Variants in PTH2R observed in about 807,000 individuals in gnomAD.
The protein encoded by PTH2R is parathyroid hormone 2 receptor, also known as PTH2 receptor.
PTH2R carries 59 observed loss-of-function variants against 60.3 expected under a neutral mutation model. That is an observed-to-expected ratio of 0.98 (90% confidence interval 0.79 to 1.22). PTH2R has a LOEUF of 1.22. PTH2R is among the 50% of genes most tolerant of loss of function. The pLI is 0.00. For missense variants in PTH2R, 749 were observed against 682.6 expected (o/e 1.10, Z -1.08); for synonymous variants, 256 against 243.8 (o/e 1.05, Z -0.47).
At chr2:208,426,149 G>T (rs1226285368) in intron 1 of PTH2R, among the ~76,000 whole-genome samples, 1 of 152,002 alleles carries the variant, frequency 6.6e-6, no homozygotes, top group Non-Finnish European at 1.5e-5. Context: ...CATTAAAATT[G>T]GTATCTATAT....
chr2:208,378,493 GC>G (rs1700853059), intron 1 of PTH2R, among the ~76,000 whole-genome samples: 1 of 152,066 alleles, frequency 6.6e-6, no homozygotes, highest in Admixed American at 6.5e-5. Context: ...TGAAATCTTA[GC>G]CCTCAGAGTG....
chr2:208,477,943 G>GTAC (rs1243907677), intron 9 of PTH2R, among the ~76,000 whole-genome samples: 13 of 32,696 alleles, frequency 4.0e-4, no homozygotes, highest in East Asian at 1.2e-3. Flanking sequence ...ACTACTACTA[G>GTAC]TAGTACTAGC....
intron 8 of PTH2R, 87 bp downstream of exon 8, chr2:208,450,896 C>A: frequency 7.0e-7 from 1 of 1,425,650 alleles, no homozygotes; most frequent in South Asian, 1.2e-5. Context: ...CGCTTCTGTT[C>A]TTGATGCCAT....
intron 1 of PTH2R, among the ~76,000 whole-genome samples, chr2:208,413,300 T>C (rs927961635): frequency 1.3e-5 from 2 of 152,206 alleles, no homozygotes; most frequent in African/African-American, 4.8e-5. Context: ...ATTATCATGG[T>C]ATGTGCTCCC....
rs1703460845 is a variant in PTH2R at position 208,493,551 on chromosome 2, A to T, written c.1545A>T (p.Glu515Asp). 2 of 1,613,734 alleles carry T rather than the reference A, an allele frequency of 1.2e-6. No homozygotes were observed. Among genetic ancestry groups the T allele is most frequent in the Non-Finnish European group, 1.7e-6 (2 of 1,179,826 alleles). The change falls in exon 13 of 13, where the codon GAA (glutamate) becomes GAT (aspartate). Residue 515 changes from glutamate to aspartate, a missense_variant. Glu to Asp is a conservative substitution (Grantham distance 45). Coordinates refer to ENST00000272847, the MANE Select transcript of PTH2R (RefSeq NM_005048.4). The stretch of plus-strand genomic sequence containing the variant: ...ACTCTTTCCACGAGGAGACCAAGGA[A>T]GATAGTGGGAGGCAGGGAGATGATA... ...LPHSFHEETKEDSGRQGDDIL... is the reference protein window; with the variant it reads ...LPHSFHEETKDDSGRQGDDIL...
At chr2:208,402,529 G>T (rs1701328479), upstream of PTH2R, among the ~76,000 whole-genome samples, 1 of 151,978 alleles carries the variant, frequency 6.6e-6, no homozygotes, top group Admixed American at 6.6e-5. Flanking sequence ...ATTTTTCAAG[G>T]TTTCTTGTAC....
At chr2:208,464,222 G>A (rs1477771470) in intron 9 of PTH2R, among the ~76,000 whole-genome samples, 1 of 152,150 alleles carries the variant, frequency 6.6e-6, no homozygotes, top group African/African-American at 2.4e-5. Flanking sequence ...AATAAAACAC[G>A]AGGTGAGAAA....
intron 1 of PTH2R, among the ~76,000 whole-genome samples, chr2:208,386,580 C>A (rs1701006684): frequency 6.6e-6 from 1 of 152,140 alleles, no homozygotes; most frequent in South Asian, 2.1e-4. Flanking sequence ...GTTGTTATAA[C>A]AAAATACTAT....
At chr2:208,410,135 C>G (rs1262195070) in intron 1 of PTH2R, among the ~76,000 whole-genome samples, 5 of 152,086 alleles carry the variant, frequency 3.3e-5, no homozygotes, top group Non-Finnish European at 7.4e-5. Flanking sequence ...GATTCAGAGC[C>G]TACTAGAAAA....
chr2:208,441,705 G>A (rs1702187569), intron 4 of PTH2R, among the ~76,000 whole-genome samples: 1 of 152,204 alleles, frequency 6.6e-6, no homozygotes, highest in Non-Finnish European at 1.5e-5. Context: ...AGAACAAGGA[G>A]AACTTTGTGT....
chr2:208,360,053 G>A (rs1187764368), exon 1 of PTH2R: 2 of 357,106 alleles, frequency 5.6e-6, no homozygotes, highest in Admixed American at 6.5e-5. Flanking sequence ...GGAATTATCT[G>A]ATAAAATTCC....
At chr2:208,424,598 G>T (rs761698422) in intron 1 of PTH2R, among the ~76,000 whole-genome samples, 2 of 152,168 alleles carry the variant, frequency 1.3e-5, no homozygotes, top group African/African-American at 2.4e-5. Context: ...GGTTTTAATT[G>T]TCCCTTGGTG....
chr2:208,417,032 A>G (rs1432752646), intron 1 of PTH2R, among the ~76,000 whole-genome samples: 2 of 152,128 alleles, frequency 1.3e-5, no homozygotes, highest in African/African-American at 2.4e-5. Flanking sequence ...GTACCTCTCA[A>G]TGAAGATTGG....
chr2:208,481,171 T>TCAGGAG lies in PTH2R; in HGVS notation c.1076+8_1076+13dup. The TCAGGAG allele has an allele frequency of 6.4e-7, 1 of 1,572,288 alleles. No individual in the cohort carries two copies. Among genetic ancestry groups the TCAGGAG allele is most frequent in the Non-Finnish European group, 8.7e-7 (1 of 1,148,980 alleles). On this transcript the variant is annotated splice_region_variant and intron_variant, in intron 10 of 12. Transcript: ENST00000272847. The stretch of plus-strand genomic sequence containing the variant: ...ACACAAGGAAGCAATACAGGTAATT[T>TCAGGAG]CAGGAGAGGCATCCATCAGAGGAAA...
upstream of PTH2R, among the ~76,000 whole-genome samples, chr2:208,405,338 A>G (rs995420042): frequency 8.5e-5 from 13 of 152,338 alleles, no homozygotes; most frequent in African/African-American, 3.1e-4. Context: ...AAGCTAAGGA[A>G]GAAATTATAA....
intron 1 of PTH2R, among the ~76,000 whole-genome samples, chr2:208,395,669 G>A (rs1256944721): frequency 6.6e-6 from 1 of 152,204 alleles, no homozygotes; most frequent in Admixed American, 6.5e-5. Flanking sequence ...GATAGCTGAG[G>A]ATTCTCTGCC....
intron 1 of PTH2R, among the ~76,000 whole-genome samples, chr2:208,370,606 A>C (rs1700682166): frequency 1.3e-5 from 2 of 151,992 alleles, no homozygotes; most frequent in African/African-American, 4.8e-5. Context: ...TCTCTGTTGT[A>C]ATCTATGTTC....
chr2:208,488,469 T>C (rs1291535035), intron 10 of PTH2R, among the ~76,000 whole-genome samples: 1 of 152,090 alleles, frequency 6.6e-6, no homozygotes. Context: ...TAAAGGAAAC[T>C]TAGGACAGAA....
chr2:208,441,937 T>C (rs1421489463), intron 4 of PTH2R, among the ~76,000 whole-genome samples: 1 of 152,162 alleles, frequency 6.6e-6, no homozygotes, highest in Non-Finnish European at 1.5e-5. Context: ...ATAATTATTT[T>C]AAAACAAAAT....
Sources: gnomAD v4.1 joint callset for allele counts (sites outside exome capture counted in the v4.1 genomes callset) on GRCh38, gnomAD v4.1.1 for gene constraint, MANE v1.5 for transcripts, NCBI Gene and HGNC (gene_info 2026-07-23, HGNC 2026-07-21) for gene names.